The following ADGRD2 variants were observed in gnomAD, a reference collection of about 807,000 sequenced individuals.
The protein encoded by ADGRD2 is adhesion G protein-coupled receptor D2.
A neutral mutation model predicts 44.4 loss-of-function variants in ADGRD2; 71 were observed. That is an observed-to-expected ratio of 1.60 (90% CI 1.32 to 1.95). The LOEUF (loss-of-function observed/expected upper bound fraction) is 1.95. ADGRD2 is among the 30% of genes most tolerant of loss of function. The probability of loss-of-function intolerance (pLI) is 0.00; values close to 1 mark genes in which losing one functional copy is unlikely to be tolerated. For synonymous variants in ADGRD2, 481 were observed against 224.8 expected (o/e 2.14, Z -10.19); for missense variants, 1,039 against 512.4 (o/e 2.03, Z -9.92).
At chr9:124,463,863 T>C (rs971059564) in intron 10 of ADGRD2, among the ~76,000 whole-genome samples, 1 of 152,040 alleles carries the variant, frequency 6.6e-6, no homozygotes, top group Non-Finnish European at 1.5e-5. Context: ...TTTGAGACAG[T>C]CTCTCCCTCT....
Position 124,475,494 on chromosome 9 carries a change from C to T in ADGRD2, c.2800+7C>T, listed in dbSNP as rs1832028651. On this transcript the variant is annotated splice_region_variant and intron_variant, in intron 18 of 21. Transcript: ENST00000334810. Reference sequence around the variant, plus strand: ...TGCTGCCTGCAATGAGGAGGTGAGTCTGGGGGTGCCGGCTGCAGGGAGAGG... The same window carrying T: ...TGCTGCCTGCAATGAGGAGGTGAGTTTGGGGGTGCCGGCTGCAGGGAGAGG... 2 of 714,428 alleles carry T rather than the reference C, an allele frequency of 2.8e-6. No homozygotes were observed. The highest frequency in any genetic ancestry group is 3.0e-5 in the South Asian group (2 of 67,050). The allele number at this position is 714,428 out of a possible 1,614,324, so 44.3% of individuals were successfully genotyped here.
chr9:124,452,992 C>G lies in ADGRD2; in HGVS notation c.282-43C>G, dbSNP rs868567126. On this transcript the variant is annotated intron_variant, in intron 2 of 21. Coordinates refer to ENST00000334810, the Ensembl canonical transcript of ADGRD2. ...CAAAGGGCAGGGGCAGGACCATGTG[C>G]ACAGGTGAGGAAACTGAGGTCGCAG... 4.8e-6 allele frequency: 3 copies of G among 626,462 alleles called. No homozygotes were observed. In the African/African-American group the frequency reaches 5.4e-5, roughly 11 times the overall value. The allele number at this position is 626,462 out of a possible 1,614,324, so 38.8% of individuals were successfully genotyped here.
rs1025623852 is a variant in ADGRD2, at chr9:124,456,846, C to T, written c.1505+113C>T. Reference sequence around the variant, plus strand: ...CACTCCATTCTATTTCCTGCCTTTGCCCATGCTGTGCCCTGCATCCAGAAT... The same window carrying T: ...CACTCCATTCTATTTCCTGCCTTTGTCCATGCTGTGCCCTGCATCCAGAAT... On this transcript the variant is annotated intron_variant, in intron 7 of 21. Transcript: ENST00000334810. 76 of 671,248 alleles carry T rather than the reference C, an allele frequency of 1.1e-4. 1 individual carries two copies. In the Admixed American group the frequency reaches 1.5e-3, roughly 13 times the overall value. The allele number at this position is 671,248 out of a possible 1,614,324, so 41.6% of individuals were successfully genotyped here.
intron 13 of ADGRD2, 133 bp downstream of exon 16, chr9:124,468,323 A>G: frequency 1.5e-6 from 1 of 682,140 alleles, no homozygotes; most frequent in Non-Finnish European, 2.7e-6. Context: ...GGGCCCGGGG[A>G]GGAGCAGGGC....
At chr9:124,475,526 A>G (rs1832029811) in intron 18 of ADGRD2, 39 bp downstream of exon 21, 2 of 714,780 alleles carry the variant, frequency 2.8e-6, no homozygotes, top group Non-Finnish European at 5.2e-6. Flanking sequence ...GAGGGGTCCA[A>G]GGGGTAGGGA....
chr9:124,453,743 G>T, intron 3 of ADGRD2, 67 bp downstream of exon 6: 1 of 562,998 alleles, frequency 1.8e-6, no homozygotes, highest in Admixed American at 2.9e-5. Flanking sequence ...CCTGGAACTC[G>T]ACCCACCCCT....
At chr9:124,472,459 TTTTG>T (rs992656865) in intron 17 of ADGRD2, among the ~76,000 whole-genome samples, 1 of 21,498 alleles carries the variant, frequency 4.7e-5, no homozygotes, top group Non-Finnish European at 8.1e-5. Context: ...TTTGTTTGTT[TTTTG>T]TTTGTTTTTT....
At chr9:124,469,795 C>T (rs771376821) in intron 16 of ADGRD2, among the ~76,000 whole-genome samples, 2 of 152,242 alleles carry the variant, frequency 1.3e-5, no homozygotes. Flanking sequence ...GTCACTGATC[C>T]GTTTGAGGGA....
At chr9:124,470,434 G>A (rs1199731426) in intron 16 of ADGRD2, 60 bp from the exon 20 acceptor site, 3 of 682,954 alleles carry the variant, frequency 4.4e-6, no homozygotes, top group Non-Finnish European at 8.1e-6. Context: ...TCTCCCTGGA[G>A]CCCTGCGGGG....
intron 6 of ADGRD2, 43 bp downstream of exon 9, chr9:124,455,170 G>C (rs1831591878): frequency 7.8e-6 from 5 of 637,454 alleles, no homozygotes; most frequent in Non-Finnish European, 1.4e-5. Context: ...CTGGGCTATG[G>C]TTCCAGCCTA....
chr9:124,462,898 TCTTC>T (rs145399583), intron 10 of ADGRD2, among the ~76,000 whole-genome samples: 3,879 of 148,972 alleles, frequency 0.026, 163 homozygotes, highest in African/African-American at 0.095. Flanking sequence ...TTCCTTCCTT[TCTTC>T]CTTCCTTCCT....
intron 17 of ADGRD2, among the ~76,000 whole-genome samples, chr9:124,474,471 G>T (rs1832008600): frequency 6.6e-6 from 1 of 152,116 alleles, no homozygotes; most frequent in Non-Finnish European, 1.5e-5. Flanking sequence ...GCTGGGCCTG[G>T]AGACCTGGGA....
upstream of ADGRD2, chr9:124,451,130 AG>A (rs1428790114): frequency 2.1e-6 from 1 of 472,180 alleles, no homozygotes; most frequent in African/African-American, 2.0e-5. Context: ...GGTCCAGAGG[AG>A]GGAAACTCAG....
chr9:124,468,379 C>T (rs1486627296), intron 13 of ADGRD2, 140 bp from the exon 17 acceptor site: 14 of 680,740 alleles, frequency 2.1e-5, no homozygotes, highest in African/African-American at 3.5e-5. Context: ...AATGGTGGAG[C>T]GGGGCCCAGG....
intron 11 of ADGRD2, chr9:124,467,451 G>A (rs963830874): frequency 9.2e-6 from 4 of 432,952 alleles, no homozygotes; most frequent in Middle Eastern, 5.8e-4. Flanking sequence ...ATCCCTCCCC[G>A]TGGGCACGTT....
exon 6 of ADGRD2, chr9:124,455,058 A>G (rs1377496246): frequency 4.2e-6 from 3 of 717,920 alleles, no homozygotes; most frequent in Non-Finnish European, 7.8e-6. Context: ...AGCTGAGCCA[A>G]GGCGTTGTAT....
chr9:124,459,898 T>A (rs554075494), intron 10 of ADGRD2, among the ~76,000 whole-genome samples: 1 of 152,312 alleles, frequency 6.6e-6, no homozygotes, highest in African/African-American at 2.4e-5. Flanking sequence ...AGGGACCAAG[T>A]GTGCAATGGA....
In ADGRD2 at chr9:124,454,667, T is replaced by C. The variant is rs538346856; in HGVS notation, c.1108+98T>C. The C allele has an allele frequency of 2.2e-4, 144 of 662,194 alleles. No homozygotes were observed. The highest frequency in any genetic ancestry group is 1.9e-3 in the Middle Eastern group (8 of 4,174). The allele number at this position is 662,194 out of a possible 1,614,324, so 41.0% of individuals were successfully genotyped here. Reference sequence around the variant, plus strand: ...TTGTAAAGGGGACACCCACCTGGTGTGTCTGCAGGAATAAAGGCCATTCAG... The same window carrying C: ...TTGTAAAGGGGACACCCACCTGGTGCGTCTGCAGGAATAAAGGCCATTCAG... On this transcript the variant is annotated intron_variant, in intron 5 of 21. Coordinates refer to ENST00000334810, the Ensembl canonical transcript of ADGRD2. The surrounding 1 kb of genome is among the most constrained non-coding windows in gnomAD (Gnocchi z 4.5).
At chr9:124,475,482 G>A (rs1478013622) in exon 18 of ADGRD2, 2 of 714,644 alleles carry the variant, frequency 2.8e-6, no homozygotes, top group Non-Finnish European at 2.6e-6. Context: ...TGCCTGCAAT[G>A]AGGAGGTGAG....
Sources: allele counts gnomAD v4.1 joint callset (sites outside exome capture counted in the v4.1 genomes callset), GRCh38; gene constraint gnomAD v4.1.1; non-coding constraint Gnocchi (gnomAD v3.1); transcripts MANE v1.5; gene names NCBI Gene and HGNC (gene_info 2026-07-23, HGNC 2026-07-21).